The following NCOR2 variants were observed in gnomAD, a reference collection of about 807,000 sequenced individuals.
NCOR2 encodes nuclear receptor corepressor 2.
In NCOR2, 81 loss-of-function variants were observed where a neutral mutation model predicts 262.9. That is an observed-to-expected ratio of 0.31 (90% CI 0.26 to 0.37). NCOR2 has a LOEUF of 0.37. Ranked by LOEUF, NCOR2 falls within the 10% of genes least tolerant of loss-of-function variation. The pLI is 1.00. For synonymous variants in NCOR2, 1,659 were observed against 1,559.3 expected, an observed-to-expected ratio of 1.06 and a Z score of -1.51; for missense variants, 3,385 against 3,621.4, an observed-to-expected ratio of 0.93 and a Z score of 1.68.
At chr12:124,486,281 CCCCGAGTCACG>C in intron 2 of NCOR2, 149 bp downstream of exon 4, 1 of 1,175,240 alleles carries the variant, frequency 8.5e-7, no homozygotes, top group African/African-American at 1.6e-5. Context: ...CCCATCCTCA[CCCCGAGTCACG>C]CCCACGCCAG....
intron 24 of NCOR2, 126 bp downstream of exon 26, chr12:124,355,306 G>T: frequency 8.2e-7 from 1 of 1,215,512 alleles, no homozygotes; most frequent in Non-Finnish European, 1.1e-6. Flanking sequence ...TCAGACCCCA[G>T]ATGCCTGAGT....
At chr12:124,392,715 A>T (rs114245768) in intron 16 of NCOR2, among the ~76,000 whole-genome samples, 2,444 of 152,058 alleles carry the variant, frequency 0.016, 76 homozygotes, top group African/African-American at 0.056. Flanking sequence ...CATGTAGTGG[A>T]GGAGGTCCTG....
At chr12:124,397,596 C>T (rs564201609) in intron 16 of NCOR2, among the ~76,000 whole-genome samples, 134 of 152,334 alleles carry the variant, frequency 8.8e-4, no homozygotes, top group African/African-American at 2.9e-3. Context: ...CTCCAGAACC[C>T]GTCACCCAGA....
In NCOR2 at chr12:124,454,944, C is replaced by A. The variant is rs2045755807; in HGVS notation, c.762+2162G>T. ...AGTGGGTAAACAACACGTGACCTACCCCTACAGTGAAATATGATTCAGCCA... is the reference window on the plus strand; with the variant it reads ...AGTGGGTAAACAACACGTGACCTACACCTACAGTGAAATATGATTCAGCCA... On this transcript the variant is annotated intron_variant, in intron 6 of 46. Transcript: ENST00000405201. The surrounding 1 kb of genome is among the most constrained non-coding windows in gnomAD (Gnocchi z 5.6). 2.6e-5 allele frequency among the ~76,000 whole-genome samples: 4 copies of A among 152,138 alleles called. No homozygotes were observed. The highest frequency in any genetic ancestry group is 9.7e-5 in the African/African-American group (4 of 41,420).
intron 16 of NCOR2, among the ~76,000 whole-genome samples, chr12:124,393,732 C>T (rs893597568): frequency 6.6e-6 from 1 of 152,266 alleles, no homozygotes; most frequent in Non-Finnish European, 1.5e-5. Flanking sequence ...CCCTAGGCTG[C>T]TCACTAAGCC....
At chr12:124,526,240 C>A (rs192697704) in intron 1 of NCOR2, among the ~76,000 whole-genome samples, 2 of 152,254 alleles carry the variant, frequency 1.3e-5, no homozygotes, top group Non-Finnish European at 2.9e-5. Context: ...CTCTCTCCAC[C>A]CCAGGTGACA....
chr12:124,489,082 C>G (rs908442825), intron 1 of NCOR2, among the ~76,000 whole-genome samples: 1 of 151,926 alleles, frequency 6.6e-6, no homozygotes, highest in Non-Finnish European at 1.5e-5. Flanking sequence ...AGGGACTCCC[C>G]CAACAAGAGT....
At chr12:124,357,701 C>T (rs144804419) in intron 22 of NCOR2, among the ~76,000 whole-genome samples, 191 of 152,394 alleles carry the variant, frequency 1.3e-3, no homozygotes, top group Non-Finnish European at 2.5e-3. Context: ...GATTGTCTGG[C>T]CCACAAAGCC....
intron 1 of NCOR2, among the ~76,000 whole-genome samples, chr12:124,551,908 C>A (rs1312568621): frequency 1.3e-5 from 2 of 152,200 alleles, no homozygotes; most frequent in African/African-American, 4.8e-5. Flanking sequence ...ACATGGGAGA[C>A]CCAGCCGGGA....
chr12:124,344,550 T>TCCAGACAGGCGCCCACCCCACTC (rs2036760385), intron 32 of NCOR2, 47 bp downstream of exon 34: 2 of 1,404,228 alleles, frequency 1.4e-6, no homozygotes, highest in South Asian at 3.2e-5. Flanking sequence ...GCACAGCTTC[T>TCCAGACAGGCGCCCACCCCACTC]CCAGACAGGC....
chr12:124,363,658 G>T, intron 21 of NCOR2, 21 bp downstream of exon 23: 1 of 1,361,020 alleles, frequency 7.3e-7, no homozygotes, highest in Non-Finnish European at 9.6e-7. Flanking sequence ...ACTCTGTGGG[G>T]CTCTGGGGGT....
rs947319811 is a variant in NCOR2, at chr12:124,482,370, T to C, written c.411+1226A>G. 4.6e-5 allele frequency among the ~76,000 whole-genome samples: 7 copies of C among 151,514 alleles called. No homozygotes were observed. Among genetic ancestry groups the C allele is most frequent in the African/African-American group, 1.7e-4 (7 of 41,164 alleles). ...CCAGCCCCAGGACGGCACCCCCACC[T>C]CCTGCCAGCCCAAGCCCACCCCAGG... is the stretch of plus-strand genomic sequence containing the variant. On this transcript the variant is annotated intron_variant, in intron 3 of 46. Coordinates refer to ENST00000405201, the Ensembl canonical transcript of NCOR2. The surrounding 1 kb of genome is among the most constrained non-coding windows in gnomAD (Gnocchi z 6.3).
At chr12:124,407,201 A>T (rs1244054) in intron 13 of NCOR2, among the ~76,000 whole-genome samples, 5 of 152,222 alleles carry the variant, frequency 3.3e-5, no homozygotes, top group South Asian at 4.1e-4. Context: ...CACCAGCCAC[A>T]GAAAGATGTG....
chr12:124,353,628 A>G (rs2037696575), intron 27 of NCOR2, among the ~76,000 whole-genome samples: 1 of 152,248 alleles, frequency 6.6e-6, no homozygotes, highest in Non-Finnish European at 1.5e-5. Flanking sequence ...CAGTCCTGGC[A>G]CGATTCAGGA....
intron 13 of NCOR2, among the ~76,000 whole-genome samples, chr12:124,409,163 C>T (rs1430495091): frequency 6.6e-6 from 1 of 152,236 alleles, no homozygotes; most frequent in East Asian, 1.9e-4. Context: ...GTGTGCTGTG[C>T]CAGCCGAGGC....
At chr12:124,551,685 C>G (rs2051718450) in intron 1 of NCOR2, among the ~76,000 whole-genome samples, 1 of 152,218 alleles carries the variant, frequency 6.6e-6, no homozygotes, top group South Asian at 2.1e-4. Flanking sequence ...GGAGTCTCTT[C>G]CAGCAGCCCA....
intron 7 of NCOR2, 105 bp from the exon 10 acceptor site, chr12:124,438,101 T>G: frequency 9.1e-7 from 1 of 1,103,408 alleles, no homozygotes; most frequent in Non-Finnish European, 1.3e-6. Context: ...GCCCCGTTAT[T>G]GGTTCTCAGG....
At chr12:124,354,114 T>A (rs752528333) in exon 27 of NCOR2, 9 of 1,610,442 alleles carry the variant, frequency 5.6e-6, no homozygotes, top group Non-Finnish European at 7.6e-6. Flanking sequence ...AGCCGCGGTA[T>A]GTGATGGCGC....
rs763663242 is a variant in NCOR2, at chr12:124,334,534, C to G, written c.6495G>C (p.Gly2165=). The change falls in exon 41 of 47, where the codon GGG becomes GGC. Residue 2165 remains glycine, a synonymous_variant. Transcript: ENST00000405201. ...GGAGGTCCAGGACGGGGCAGCTGGC[C>G]CCAGGGAAGGAGTAGAGGGGGGCGG... 4.9e-6 allele frequency: 7 copies of G among 1,431,030 alleles called. No homozygotes were observed. The African/African-American group carries it at 7.4e-5, about 15-fold the overall frequency. 88.6% of individuals were successfully genotyped at this position (1,431,030 alleles called of 1,614,324 possible).
Sources: allele counts gnomAD v4.1 joint callset (sites outside exome capture counted in the v4.1 genomes callset), GRCh38; gene constraint gnomAD v4.1.1; non-coding constraint Gnocchi (gnomAD v3.1); transcripts MANE v1.5; gene names NCBI Gene and HGNC (gene_info 2026-07-23, HGNC 2026-07-21).